The following PCDHGA11 variants were observed in gnomAD, a reference collection of about 807,000 sequenced individuals.
PCDHGA11 encodes the protein protocadherin gamma subfamily A, 11, also known as protocadherin gamma-A11.
PCDHGA11 carries 39 observed loss-of-function variants against 60.4 expected under a neutral mutation model. The ratio of observed to expected loss-of-function variants is 0.65; its 90% CI spans 0.50 to 0.84. The LOEUF (loss-of-function observed/expected upper bound fraction) is 0.84, where lower values mean the gene tolerates loss of function less well. Among genes scored for constraint, PCDHGA11 ranks in the 40% least tolerant of loss-of-function variants. The pLI is 0.00. For missense variants in PCDHGA11, 1,165 were observed against 1,197.7 expected (o/e 0.97, Z 0.40); for synonymous variants, 533 against 510.3 (o/e 1.04, Z -0.60).
intron 1 of PCDHGA11, among the ~76,000 whole-genome samples, chr5:141,483,630 G>A (rs2099583876): frequency 6.7e-6 from 1 of 149,714 alleles, no homozygotes; most frequent in African/African-American, 2.5e-5. Flanking sequence ...ATGGGAGAAG[G>A]TATAGAGGGG....
rs2096713828 is a variant in PCDHGA11 at position 141,423,139 on chromosome 5, G to A, written c.1912G>A (p.Ala638Thr). Residue 638 changes from alanine to threonine, a missense_variant, in exon 1 of 4, where the codon GCG becomes ACG. Physicochemically the swap from Ala to Thr is moderately conservative, Grantham distance 58. Transcript: ENST00000398587. ...AGCGCGGGCACTGCTGGACAGAGAC[G>A]CGCTCAAGCAGAGCCTCGTGGTGGC... ...RTARALLDRDALKQSLVVAVQ... is the reference protein window; with the variant it reads ...RTARALLDRDTLKQSLVVAVQ... 2 of 1,613,616 alleles carry A rather than the reference G, an allele frequency of 1.2e-6. No homozygotes were observed. The highest frequency in any genetic ancestry group is 1.7e-4 in the Middle Eastern group (1 of 6,054).
chr5:141,510,141 T>C (rs1596266322), intron 3 of PCDHGA11, among the ~76,000 whole-genome samples: 1 of 152,014 alleles, frequency 6.6e-6, no homozygotes. Flanking sequence ...GGGCTAGTGG[T>C]GTGCACCTGT....
Position 141,428,104 on chromosome 5 carries a change from T to C in PCDHGA11, c.2433+4444T>C, listed in dbSNP as rs751953406. ...AACGCTTGGCTGTCCTACCACGTGCTGCAGGCCATCGAGCCCGGGCTTTTC... is the reference window on the plus strand; with the variant it reads ...AACGCTTGGCTGTCCTACCACGTGCCGCAGGCCATCGAGCCCGGGCTTTTC... On this transcript the variant is annotated intron_variant, in intron 1 of 3. Coordinates refer to ENST00000398587, the MANE Select transcript of PCDHGA11 (RefSeq NM_018914.3). The C allele has an allele frequency of 1.9e-6, 3 of 1,608,398 alleles. No individual in the cohort carries two copies. The South Asian group carries it at 3.3e-5, about 18-fold the overall frequency.
chr5:141,436,813 G>A (rs537103294), intron 1 of PCDHGA11, among the ~76,000 whole-genome samples: 91 of 152,320 alleles, frequency 6.0e-4, no homozygotes, highest in Non-Finnish European at 1.1e-3. Flanking sequence ...TGTGACAGCT[G>A]GTTTAAAAAT....
chr5:141,471,408 T>C (rs951728688), intron 1 of PCDHGA11: 1 of 152,166 alleles, frequency 6.6e-6, no homozygotes, highest in Non-Finnish European at 1.5e-5. Flanking sequence ...CTAGGCTTAG[T>C]TATGTTTTTA....
intron 1 of PCDHGA11, among the ~76,000 whole-genome samples, chr5:141,438,678 G>C (rs2098050264): frequency 7.1e-6 from 1 of 140,560 alleles, no homozygotes; most frequent in African/African-American, 2.6e-5. Context: ...ATTTGGAGTA[G>C]GGGATGGAGT....
rs191953163 is a variant in PCDHGA11 at position 141,426,385 on chromosome 5, C to T, written c.2433+2725C>T. Reference sequence around the variant, plus strand: ...CTGCGGGGCACCCTCGGAGCAGATCCGCTACTCTATTCCAGAAGAAACGGT... The same window carrying T: ...CTGCGGGGCACCCTCGGAGCAGATCTGCTACTCTATTCCAGAAGAAACGGT... On this transcript the variant is annotated intron_variant, in intron 1 of 3. Transcript: ENST00000398587. 1.4e-3 allele frequency: 332 copies of T among 244,362 alleles called. 1 individual carries two copies. The highest frequency in any genetic ancestry group is 1.5e-3 in the Non-Finnish European group (188 of 121,940). 15.1% of individuals were successfully genotyped at this position (244,362 alleles called of 1,614,324 possible). A position where few individuals can be genotyped will look rare whatever the true frequency, so the allele number is the denominator to read the frequency against.
At chr5:141,500,045 T>C (rs2099796072) in intron 2 of PCDHGA11, among the ~76,000 whole-genome samples, 1 of 152,062 alleles carries the variant, frequency 6.6e-6, no homozygotes, top group South Asian at 2.1e-4. Flanking sequence ...CTTAAGTATC[T>C]TAATGCTCTT....
Position 141,475,143 on chromosome 5 carries a change from T to TC in PCDHGA11, c.2434-19662dup, listed in dbSNP as rs372338581. On this transcript the variant is annotated intron_variant, in intron 1 of 3. Transcript: ENST00000398587. ...GGCTTTTTTTCTTTTTGAAATCTTC[T>TC]CCGTCTTCTTCTTCATTAGCAGTGC... Among the ~76,000 whole-genome samples the TC allele has an allele frequency of 4.9e-3, 751 of 152,356 alleles. 5 individuals carry two copies. Among genetic ancestry groups the TC allele is most frequent in the Non-Finnish European group, 6.5e-3 (439 of 68,034 alleles).
At chr5:141,480,240 CAA>C (rs11374694) in intron 1 of PCDHGA11, among the ~76,000 whole-genome samples, 8 of 114,006 alleles carry the variant, frequency 7.0e-5, no homozygotes, top group Non-Finnish European at 7.5e-5. Flanking sequence ...CCTGTCTCTA[CAA>C]AAAAAAAAAA....
intron 1 of PCDHGA11, among the ~76,000 whole-genome samples, chr5:141,433,790 T>A (rs1052636810): frequency 2.0e-5 from 3 of 151,564 alleles, no homozygotes; most frequent in South Asian, 4.2e-4. Flanking sequence ...TGAGCTGAGA[T>A]TGTGCCATTG....
chr5:141,489,707 G>A lies in PCDHGA11; in HGVS notation c.2434-5100G>A. 6.2e-7 allele frequency: 1 copy of A among 1,614,194 alleles called. No individual in the cohort carries two copies. Among genetic ancestry groups the A allele is most frequent in the Non-Finnish European group, 8.5e-7 (1 of 1,180,022 alleles). The stretch of plus-strand genomic sequence containing the variant: ...TCTGGGGCACGATTCCCACTGGACA[G>A]TGCCCAGGATCCGGATGTGGGCACC... On this transcript the variant is annotated intron_variant, in intron 1 of 3. Transcript: ENST00000398587. The surrounding 1 kb of genome is among the most constrained non-coding windows in gnomAD (Gnocchi z 4.5).
chr5:141,477,344 A>C lies in PCDHGA11; in HGVS notation c.2434-17463A>C. On this transcript the variant is annotated intron_variant, in intron 1 of 3. Coordinates refer to ENST00000398587, the MANE Select transcript of PCDHGA11 (RefSeq NM_018914.3). The surrounding 1 kb of genome is among the most constrained non-coding windows in gnomAD (Gnocchi z 4.9). Reference sequence around the variant, plus strand: ...TTCCCTCAAGAATTACTTCACTTTGAAAACCAGTGCAGACCTGGATCGGGA... The same window carrying C: ...TTCCCTCAAGAATTACTTCACTTTGCAAACCAGTGCAGACCTGGATCGGGA... 6.2e-7 allele frequency: 1 copy of C among 1,614,154 alleles called. No homozygotes were observed. The highest frequency in any genetic ancestry group is 8.5e-7 in the Non-Finnish European group (1 of 1,180,034).
chr5:141,498,197 A>C (rs1191884415), intron 2 of PCDHGA11, among the ~76,000 whole-genome samples: 1 of 152,246 alleles, frequency 6.6e-6, no homozygotes. Flanking sequence ...AACCAGCTAA[A>C]GAAAAGAAGG....
intron 2 of PCDHGA11, among the ~76,000 whole-genome samples, chr5:141,503,091 G>A (rs2099818095): frequency 6.6e-6 from 1 of 151,808 alleles, no homozygotes; most frequent in African/African-American, 2.4e-5. Flanking sequence ...CTGACCTCGT[G>A]GTCTGCCCGC....
rs182682202 is a variant in PCDHGA11 at position 141,445,418 on chromosome 5, T to A, written c.2433+21758T>A. Among the ~76,000 whole-genome samples the A allele has an allele frequency of 2.2e-3, 335 of 152,310 alleles. 1 individual carries two copies. Among genetic ancestry groups the A allele is most frequent in the Middle Eastern group, 0.01 (3 of 294 alleles). Reference sequence around the variant, plus strand: ...ACAAATATTTATTAACTGTCTGCTATATGCAAGGCACTGACCTATGGACTA... The same window carrying A: ...ACAAATATTTATTAACTGTCTGCTAAATGCAAGGCACTGACCTATGGACTA... On this transcript the variant is annotated intron_variant, in intron 1 of 3. Transcript: ENST00000398587.
At position 141,421,347 on chromosome 5, in the gene PCDHGA11, C is replaced by T. The variant is rs147068995; in HGVS notation, c.120C>T (p.Thr40=). 359 of 1,613,948 alleles carry T rather than the reference C, an allele frequency of 2.2e-4. 2 individuals carry two copies. In the East Asian group the frequency reaches 6.5e-3, roughly 29 times the overall value. Residue 40 remains threonine, a synonymous_variant, in exon 1 of 4, where the codon ACC becomes ACT. Coordinates refer to ENST00000398587, the MANE Select transcript of PCDHGA11 (RefSeq NM_018914.3). ...TCCGATATTCGGTGCCAGAAGAGAC[C>T]GAAAAGGGCTCCTTCGTGGGCAATA... ...RQIRYSVPEE[T]EKGSFVGNIS...
At chr5:141,433,404 TATTA>T (rs142533293) in intron 1 of PCDHGA11, among the ~76,000 whole-genome samples, 252 of 146,310 alleles carry the variant, frequency 1.7e-3, no homozygotes, top group African/African-American at 6.2e-3. Context: ...TCTATCTATC[TATTA>T]CTTTCTTGTA....
intron 1 of PCDHGA11, among the ~76,000 whole-genome samples, chr5:141,464,983 C>G (rs1294132264): frequency 6.6e-6 from 1 of 152,050 alleles, no homozygotes; most frequent in African/African-American, 2.4e-5. Flanking sequence ...TTCAAGTGAT[C>G]CTCCCACCTC....
Sources: gnomAD v4.1 joint callset for allele counts (sites outside exome capture counted in the v4.1 genomes callset) on GRCh38, gnomAD v4.1.1 for gene constraint, Gnocchi (gnomAD v3.1) non-coding constraint, MANE v1.5 for transcripts, NCBI Gene and HGNC (gene_info 2026-07-23, HGNC 2026-07-21) for gene names.